The following PIAS2 variants were observed in gnomAD, a reference collection of about 807,000 sequenced individuals.
The protein encoded by PIAS2 is protein inhibitor of activated STAT 2.
Under a neutral mutation model 69.7 loss-of-function variants are expected in PIAS2, and 19 were observed. The observed-to-expected ratio is 0.27, with a 90% CI of 0.19 to 0.40. The LOEUF is 0.40. PIAS2 is among the 10% of genes least tolerant of loss of function. The pLI is 1.00. For missense variants in PIAS2, 624 were observed against 757.0 expected (o/e 0.82, Z 2.06); for synonymous variants, 261 against 263.2 (o/e 0.99, Z 0.08).
intron 5 of PIAS2, among the ~76,000 whole-genome samples, chr18:46,854,335 T>A (rs1203759856): frequency 2.6e-5 from 4 of 152,192 alleles, no homozygotes; most frequent in African/African-American, 9.7e-5. Flanking sequence ...CCCCATTTCC[T>A]CAATAGTTGC....
At position 46,890,720 on chromosome 18, in the gene PIAS2, G is replaced by A; in HGVS notation, c.359C>T (p.Ser120Phe). The change falls in exon 2 of 14, where the codon TCT becomes TTT. Residue 120 changes from serine to phenylalanine, a missense_variant. Physicochemically the swap from Ser to Phe is radical, Grantham distance 155. Transcript: ENST00000585916. ...TPHSPSSPVG[S>F]VLLQDTKPTF... The stretch of plus-strand genomic sequence containing the variant: ...GGGCTTAGTATCTTGAAGCAGCACA[G>A]AACCAACAGGAGAGGATGGTGAGTG... 6.2e-7 allele frequency: 1 copy of A among 1,614,128 alleles called. No homozygotes were observed.
chr18:46,805,540 T>C lies in PIAS2; in HGVS notation c.*6893A>G, dbSNP rs1172880884. 1 of 151,954 alleles carries C rather than the reference T, an allele frequency of 6.6e-6. No individual in the cohort carries two copies. The highest frequency in any genetic ancestry group is 1.5e-5 in the Non-Finnish European group (1 of 68,026). 9.4% of individuals were successfully genotyped at this position (151,954 alleles called of 1,614,324 possible). A position where few individuals can be genotyped will look rare whatever the true frequency, so the allele number is the denominator to read the frequency against. ...TTTTTAGAGACGTGTAACGATGCAGTAGGGGGGAAGGACAGCAACCACTGT... is the reference window on the plus strand; with the variant it reads ...TTTTTAGAGACGTGTAACGATGCAGCAGGGGGGAAGGACAGCAACCACTGT... On this transcript the variant is annotated 3_prime_UTR_variant, in exon 14 of 14. Coordinates refer to ENST00000585916, the MANE Select transcript of PIAS2 (RefSeq NM_004671.5).
intron 1 of PIAS2, among the ~76,000 whole-genome samples, chr18:46,902,833 G>A (rs184710142): frequency 2.0e-3 from 299 of 152,292 alleles, no homozygotes; most frequent in African/African-American, 7.0e-3. Flanking sequence ...AGCTAGGACT[G>A]ACAGACTGCA....
Position 46,836,437 on chromosome 18 carries a change from T to C in PIAS2, c.1122A>G (p.Leu374=). 1 of 1,613,942 alleles carries C rather than the reference T, an allele frequency of 6.2e-7. No individual in the cohort carries two copies. The highest frequency in any genetic ancestry group is 8.5e-7 in the Non-Finnish European group (1 of 1,179,824). Residue 374 remains leucine, a synonymous_variant, in exon 9 of 14, where the codon CTA becomes CTG. Transcript: ENST00000585916. ...AGGTGGGCTTTTTCTCATTCATTTG[T>C]AGATAGAGGGCAGCATCAAAACACT... ...HLQCFDAALY[L]QMNEKKPTWI... is the part of the protein sequence containing the mutation.
chr18:46,883,335 C>G (rs1162780511), intron 2 of PIAS2, among the ~76,000 whole-genome samples: 1 of 152,116 alleles, frequency 6.6e-6, no homozygotes, highest in Admixed American at 6.5e-5. Flanking sequence ...ATAACACCAG[C>G]CAGCCAGACA....
chr18:46,838,715 CTA>C (rs1178770575), intron 8 of PIAS2, among the ~76,000 whole-genome samples: 1 of 152,134 alleles, frequency 6.6e-6, no homozygotes, highest in Non-Finnish European at 1.5e-5. Flanking sequence ...CTTCATAACT[CTA>C]TGACTCCAGA....
chr18:46,812,445 G>C lies in PIAS2; in HGVS notation c.1854C>G (p.Ile618Met). 6.2e-7 allele frequency: 1 copy of C among 1,608,092 alleles called. No homozygotes were observed. The highest frequency in any genetic ancestry group is 8.5e-7 in the Non-Finnish European group (1 of 1,175,744). The change falls in exon 14 of 14, where the codon ATC becomes ATG. Residue 618 changes from isoleucine to methionine, a missense_variant. Ile to Met is a conservative substitution (Grantham distance 10). Around this residue, in one of 3 missense-constraint regions of PIAS2, gnomAD observed 241 missense variants for 257.3 expected, o/e 0.94. Coordinates refer to ENST00000585916, the MANE Select transcript of PIAS2 (RefSeq NM_004671.5). ...AGTGAGTCCTCCTTTAGTCCAATGA[G>C]ATGATGTCAGGAATGTTACTTCCAC... ...TSSGSNIPDI[I>M]SLD
At chr18:46,837,851 C>T (rs574343572) in intron 8 of PIAS2, among the ~76,000 whole-genome samples, 18 of 152,222 alleles carry the variant, frequency 1.2e-4, no homozygotes, top group South Asian at 8.3e-4. Context: ...CCCACTAGAT[C>T]TTATGCTCCA....
intron 5 of PIAS2, among the ~76,000 whole-genome samples, chr18:46,855,080 A>G (rs976131236): frequency 6.8e-6 from 1 of 147,250 alleles, no homozygotes; most frequent in Admixed American, 6.9e-5. Context: ...AAGCCTGGGG[A>G]ACACAGTAGG....
At chr18:46,851,418 T>C (rs920951196) in intron 5 of PIAS2, among the ~76,000 whole-genome samples, 1 of 152,212 alleles carries the variant, frequency 6.6e-6, no homozygotes, top group Admixed American at 6.5e-5. Context: ...TAATCCAGCT[T>C]CTTAAAATAA....
At chr18:46,874,825 C>T (rs2050910079) in intron 2 of PIAS2, among the ~76,000 whole-genome samples, 1 of 152,178 alleles carries the variant, frequency 6.6e-6, no homozygotes, top group African/African-American at 2.4e-5. Context: ...ATGTCAGCAT[C>T]AGCCTAGGGA....
At chr18:46,908,498 C>G (rs776130776) in intron 1 of PIAS2, among the ~76,000 whole-genome samples, 4 of 151,060 alleles carry the variant, frequency 2.6e-5, no homozygotes, top group Non-Finnish European at 4.4e-5. Context: ...ACACTGTATA[C>G]AAAATCAACT....
In PIAS2 at chr18:46,807,355, T is replaced by TTTTATATATA. The variant is rs1485164607; in HGVS notation, c.*5077_*5078insTATATATAAA. On this transcript the variant is annotated 3_prime_UTR_variant, in exon 14 of 14. Transcript: ENST00000585916. Reference sequence around the variant, plus strand: ...AGGTGTTTCTGAAACATGTCAGATTTTATATATATATATATATATATATAT... The same window carrying TTTTATATATA: ...AGGTGTTTCTGAAACATGTCAGATTTTTTATATATATATATATATATATATATATATATAT... 2.7e-4 allele frequency: 8 copies of TTTTATATATA among 29,960 alleles called. 1 individual carries two copies. The highest frequency in any genetic ancestry group is 1.1e-4 in the Non-Finnish European group (2 of 17,764). 1.9% of individuals were successfully genotyped at this position (29,960 alleles called of 1,614,324 possible).
At chr18:46,843,678 T>C (rs1285419494) in intron 8 of PIAS2, among the ~76,000 whole-genome samples, 1 of 152,184 alleles carries the variant, frequency 6.6e-6, no homozygotes, top group African/African-American at 2.4e-5. Context: ...ATCCTACACA[T>C]CCTAACTCAC....
chr18:46,825,340 G>A (rs188285908), intron 11 of PIAS2, among the ~76,000 whole-genome samples: 1 of 152,174 alleles, frequency 6.6e-6, no homozygotes, highest in African/African-American at 2.4e-5. Flanking sequence ...TGGGACAAAA[G>A]ATTAAATTTC....
At chr18:46,853,379 T>C (rs549909242) in intron 5 of PIAS2, 1 of 151,460 alleles carries the variant, frequency 6.6e-6, no homozygotes, top group South Asian at 2.1e-4. Flanking sequence ...GTGCACAGGG[T>C]TGTGTATTAA....
At position 46,829,993 on chromosome 18, in the gene PIAS2, G is replaced by T. The variant is rs959888813; in HGVS notation, c.1203-126C>A. ...GCTGACCCCCTTTTCTTTTGGTATT[G>T]CAATACTTTATACTTTACAACAATT... On this transcript the variant is annotated intron_variant, in intron 9 of 13. Transcript: ENST00000585916. 2.6e-5 allele frequency: 19 copies of T among 743,794 alleles called. No homozygotes were observed. The Middle Eastern group carries it at 1.3e-3, about 51-fold the overall frequency. 46.1% of individuals were successfully genotyped at this position (743,794 alleles called of 1,614,324 possible).
chr18:46,920,045 C>T (rs1489168262), upstream of PIAS2: 1 of 1,288,656 alleles, frequency 7.8e-7, no homozygotes, highest in South Asian at 1.2e-5. Flanking sequence ...AAGCAAAGCC[C>T]CACTGAAACT....
At chr18:46,915,685 G>C (rs1474679059) in intron 1 of PIAS2, 1 of 151,802 alleles carries the variant, frequency 6.6e-6, no homozygotes, top group Non-Finnish European at 1.5e-5. Context: ...AGCACTGACT[G>C]CTTTTACTCT....
Sources: gnomAD v4.1 joint callset for allele counts (sites outside exome capture counted in the v4.1 genomes callset) on GRCh38, gnomAD v4.1.1 for gene constraint, gnomAD v4.1.1 regional missense constraint, MANE v1.5 for transcripts, NCBI Gene and HGNC (gene_info 2026-07-23, HGNC 2026-07-21) for gene names.